Variants in PIKFYVE observed in about 807,000 individuals in gnomAD.
PIKFYVE encodes 1-phosphatidylinositol 3-phosphate 5-kinase.
PIKFYVE carries 122 observed loss-of-function variants against 257.9 expected under a neutral mutation model. The ratio of observed to expected loss-of-function variants is 0.47; its 90% CI spans 0.41 to 0.55. The LOEUF (loss-of-function observed/expected upper bound fraction) is 0.55. Ranked by LOEUF, PIKFYVE falls within the 20% of genes least tolerant of loss-of-function variation. The pLI is 0.00. For synonymous variants in PIKFYVE, 892 were observed against 868.9 expected, an observed-to-expected ratio of 1.03 and a Z score of -0.47; for missense variants, 2,160 against 2,536.6, an observed-to-expected ratio of 0.85 and a Z score of 3.19.
intron 16 of PIKFYVE, among the ~76,000 whole-genome samples, chr2:208,318,556 G>A (rs534579462): frequency 1.3e-5 from 2 of 152,214 alleles, no homozygotes; most frequent in Non-Finnish European, 2.9e-5. Context: ...CATACATTGA[G>A]ATCACATGTG....
rs1468492666 is a variant in PIKFYVE at position 208,325,720 on chromosome 2, C to T, written c.2909C>T (p.Ala970Val). ...TTACPAGLPC[A>V]FFAPVPESLL... ...GCTTGCCCGGCGGGTCTCCCTTGTG[C>T]TTTCTTTGCACCTGTACCGGAATCA... is the stretch of plus-strand genomic sequence containing the variant. The change falls in exon 20 of 42, where the codon GCT becomes GTT. Residue 970 changes from alanine to valine, a missense_variant. Physicochemically the swap from Ala to Val is moderately conservative, Grantham distance 64. Transcript: ENST00000264380. The T allele has an allele frequency of 7.4e-6, 12 of 1,613,290 alleles. No individual in the cohort carries two copies. The highest frequency in any genetic ancestry group is 1.1e-5 in the South Asian group (1 of 91,018).
intron 34 of PIKFYVE, among the ~76,000 whole-genome samples, chr2:208,347,643 G>A (rs1286225891): frequency 6.6e-6 from 1 of 151,690 alleles, no homozygotes; most frequent in Non-Finnish European, 1.5e-5. Context: ...TTATTAATAG[G>A]GGTTTTTGTT....
intron 31 of PIKFYVE, among the ~76,000 whole-genome samples, chr2:208,340,738 A>G (rs762320627): frequency 1.6e-4 from 25 of 152,182 alleles, no homozygotes; most frequent in Non-Finnish European, 2.6e-4. Flanking sequence ...TTATTCAATC[A>G]GTATTTAAAC....
intron 34 of PIKFYVE, 41 bp downstream of exon 34, chr2:208,346,188 C>G: frequency 1.4e-6 from 2 of 1,469,092 alleles, no homozygotes; most frequent in Non-Finnish European, 9.5e-7. Context: ...TTAGATTTAC[C>G]TATAATTATG....
At position 208,333,483 on chromosome 2, in the gene PIKFYVE, G is replaced by C; in HGVS notation, c.4132G>C (p.Ala1378Pro). The change falls in exon 24 of 42, where the codon GCG becomes CCG. Residue 1378 changes from alanine to proline, a missense_variant. Around this residue, in one of 12 missense-constraint regions of PIKFYVE, gnomAD observed 699 missense variants for 855.8 expected, o/e 0.82. Coordinates refer to ENST00000264380, the MANE Select transcript of PIKFYVE (RefSeq NM_015040.4). ...GTATTTCTCCTATAACCAGATGGTG[G>C]CGTCTTTCAGGTAAGAAATCCTAGG... ...HQYFSYNQMVASFSYSPIRLL... is the reference protein window; with the variant it reads ...HQYFSYNQMVPSFSYSPIRLL... 6.2e-7 allele frequency: 1 copy of C among 1,613,586 alleles called. No homozygotes were observed. The highest frequency in any genetic ancestry group is 8.5e-7 in the Non-Finnish European group (1 of 1,179,760).
rs916770184 is a variant in PIKFYVE, at chr2:208,325,739, G to A, written c.2928G>A (p.Pro976=). Residue 976 remains proline, a synonymous_variant, in exon 20 of 42, where the codon CCG becomes CCA. Transcript: ENST00000264380. ...CTTGTGCTTTCTTTGCACCTGTACC[G>A]GAATCATTGTTGCCACTCCCTGTGG... is the stretch of plus-strand genomic sequence containing the variant. ...GLPCAFFAPV[P]ESLLPLPVDD... is the part of the protein sequence containing the mutation. 2.0e-5 allele frequency: 32 copies of A among 1,613,168 alleles called. No homozygotes were observed. Among genetic ancestry groups the A allele is most frequent in the Non-Finnish European group, 2.3e-5 (27 of 1,179,462 alleles).
chr2:208,282,807 C>T (rs1289150009), intron 5 of PIKFYVE, among the ~76,000 whole-genome samples: 3 of 152,164 alleles, frequency 2.0e-5, no homozygotes, highest in Non-Finnish European at 4.4e-5. Flanking sequence ...GGTTTTGTGG[C>T]AGACAGTTTT....
Position 208,326,255 on chromosome 2 carries a change from G to A in PIKFYVE, c.3444G>A (p.Leu1148=). Reference sequence around the variant, plus strand: ...AGCATCTGGGCGATAGCCAGAGCTTGGGTAGAATGCTGGCCGATTATCGAG... The same window carrying A: ...AGCATCTGGGCGATAGCCAGAGCTTAGGTAGAATGCTGGCCGATTATCGAG... The part of the protein sequence containing the change: ...IAEHLGDSQS[L]GRMLADYRAR... Residue 1148 remains leucine (L), a synonymous_variant, in exon 20 of 42, where the codon TTG becomes TTA. Transcript: ENST00000264380. The A allele has an allele frequency of 6.3e-7, 1 of 1,592,146 alleles. No individual in the cohort carries two copies. Among genetic ancestry groups the A allele is most frequent in the Non-Finnish European group, 8.6e-7 (1 of 1,169,298 alleles).
chr2:208,281,585 A>G (rs1690814509), intron 5 of PIKFYVE, among the ~76,000 whole-genome samples: 1 of 152,144 alleles, frequency 6.6e-6, no homozygotes, highest in Non-Finnish European at 1.5e-5. Context: ...CTGGTAGCAA[A>G]GAGGAGTAGT....
chr2:208,338,434 T>A, intron 28 of PIKFYVE, 74 bp from the exon 29 acceptor site: 3 of 1,411,808 alleles, frequency 2.1e-6, no homozygotes, highest in Non-Finnish European at 3.0e-6. Context: ...AAGTTTAAGA[T>A]TCACTGGATT....
At chr2:208,317,805 A>G (rs967726371) in intron 15 of PIKFYVE, 62 bp from the exon 16 acceptor site, 4 of 1,417,274 alleles carry the variant, frequency 2.8e-6, no homozygotes, top group Admixed American at 3.3e-5. Flanking sequence ...AATAGCGTAC[A>G]TCTAACTAGA....
Position 208,298,693 on chromosome 2 carries a change from C to A in PIKFYVE, c.964C>A (p.Pro322Thr). 1.2e-6 allele frequency: 2 copies of A among 1,613,768 alleles called. No homozygotes were observed. Among genetic ancestry groups the A allele is most frequent in the Non-Finnish European group, 1.7e-6 (2 of 1,179,706 alleles). ...GGATAGATCTGGTTCTCCTATGGTA[C>A]CTTCATATGAGACATCTGTCAGTCC... ...SLDRSGSPMV[P>T]SYETSVSPQA... Residue 322 changes from proline to threonine, a missense_variant, in exon 8 of 42, where the codon CCT becomes ACT. Physicochemically the swap from Pro to Thr is conservative, Grantham distance 38. Transcript: ENST00000264380.
rs535300252 is a variant in PIKFYVE, at chr2:208,303,973, C to T, written c.1321-198C>T. Among the ~76,000 whole-genome samples, 134 of 152,232 alleles carry T rather than the reference C, an allele frequency of 8.8e-4. 1 individual carries two copies. Among genetic ancestry groups the T allele is most frequent in the Middle Eastern group, 3.4e-3 (1 of 294 alleles). ...TATACTACTTAAGTCTTCTAGTTAACGAAAATCACAATTTTAAAGAGTGGA... is the reference window on the plus strand; with the variant it reads ...TATACTACTTAAGTCTTCTAGTTAATGAAAATCACAATTTTAAAGAGTGGA... On this transcript the variant is annotated intron_variant, in intron 10 of 41. Transcript: ENST00000264380.
chr2:208,288,586 C>G (rs1691886048), intron 6 of PIKFYVE, 143 bp from the exon 7 acceptor site: 1 of 1,274,450 alleles, frequency 7.8e-7, no homozygotes, highest in Non-Finnish European at 1.1e-6. Flanking sequence ...CATTTACACC[C>G]TAATTAAAGG....
At position 208,326,303 on chromosome 2, in the gene PIKFYVE, C is replaced by G. The variant is rs745575505; in HGVS notation, c.3492C>G (p.Pro1164=). Residue 1164 remains proline (P), a synonymous_variant, in exon 20 of 42, where the codon CCC becomes CCG. Coordinates refer to ENST00000264380, the MANE Select transcript of PIKFYVE (RefSeq NM_015040.4). ...GAGCCAGAGGAGGAAGAATTCAGCCCAAAAATTCAGACCCTTTTGCTCATT... is the reference window on the plus strand; with the variant it reads ...GAGCCAGAGGAGGAAGAATTCAGCCGAAAAATTCAGACCCTTTTGCTCATT... ...DYRARGGRIQ[P]KNSDPFAHSK... 2.5e-6 allele frequency: 4 copies of G among 1,604,098 alleles called. No homozygotes were observed. In the South Asian group the frequency reaches 3.3e-5, roughly 13 times the overall value.
At position 208,346,124 on chromosome 2, in the gene PIKFYVE, C is replaced by T. The variant is rs1195203248; in HGVS notation, c.5186C>T (p.Thr1729Ile). 2 of 1,611,630 alleles carry T rather than the reference C, an allele frequency of 1.2e-6. No individual in the cohort carries two copies. The highest frequency in any genetic ancestry group is 1.7e-5 in the Admixed American group (1 of 59,970). The change falls in exon 34 of 42, where the codon ACA (threonine) becomes ATA (isoleucine). Residue 1729 changes from threonine (T) to isoleucine (I), a missense_variant. By Grantham distance (89) the Thr-to-Ile change is moderately conservative. This residue lies in a region of PIKFYVE where 699 missense variants were observed against 855.8 expected (regional missense o/e 0.82). Coordinates refer to ENST00000264380, the MANE Select transcript of PIKFYVE (RefSeq NM_015040.4). ...ATGAGTGGAGGACAGACAAATCGTA[C>T]AACAGAAACAGAACCACAACCAAGT... ...PEMSGGQTNR[T>I]TETEPQPTKK...
intron 7 of PIKFYVE, among the ~76,000 whole-genome samples, chr2:208,292,245 GT>G (rs1203019346): frequency 6.6e-6 from 1 of 152,004 alleles, no homozygotes; most frequent in Admixed American, 6.6e-5. Flanking sequence ...AATGTTCCAT[GT>G]TACTTGAGAG....
chr2:208,338,441 G>C (rs1191139943), intron 28 of PIKFYVE, 67 bp from the exon 29 acceptor site: 2 of 1,491,522 alleles, frequency 1.3e-6, no homozygotes, highest in African/African-American at 1.4e-5. Context: ...AGATTCACTG[G>C]ATTAAAAAAT....
chr2:208,268,673 C>A (rs1689008325), intron 1 of PIKFYVE, among the ~76,000 whole-genome samples: 1 of 151,258 alleles, frequency 6.6e-6, no homozygotes, highest in Non-Finnish European at 1.5e-5. Context: ...GCTGAATTGT[C>A]ATGACACTTC....
Sources: allele counts gnomAD v4.1 joint callset (sites outside exome capture counted in the v4.1 genomes callset), GRCh38; gene constraint gnomAD v4.1.1; regional missense constraint gnomAD v4.1.1; transcripts MANE v1.5; gene names NCBI Gene and HGNC (gene_info 2026-07-23, HGNC 2026-07-21).